Variants in ZNF264 observed in about 807,000 individuals in gnomAD.
The protein encoded by ZNF264 is zinc finger protein 264.
Under a neutral mutation model 11.2 loss-of-function variants are expected in ZNF264, and 11 were observed. The observed-to-expected ratio is 0.98, with a 90% CI of 0.62 to 1.63. The LOEUF (loss-of-function observed/expected upper bound fraction) is 1.63, where lower values mean the gene tolerates loss of function less well. Among genes scored for constraint, ZNF264 ranks in the 40% most tolerant of loss-of-function variants. The probability of loss-of-function intolerance (pLI) is 0.00; values close to 1 mark genes in which losing one functional copy is unlikely to be tolerated. For synonymous variants in ZNF264, 309 were observed against 279.8 expected, an observed-to-expected ratio of 1.10 and a Z score of -1.04; for missense variants, 752 against 768.1, an observed-to-expected ratio of 0.98 and a Z score of 0.25.
chr19:57,207,549 T>TC (rs1372644841), intron 3 of ZNF264, among the ~76,000 whole-genome samples: 1 of 144,060 alleles, frequency 6.9e-6, no homozygotes, highest in Non-Finnish European at 1.5e-5. Flanking sequence ...TCTTTTCTTT[T>TC]TTTTTTTTTT....
chr19:57,191,941 G>A lies in ZNF264; in HGVS notation c.28G>A (p.Ala10Thr), dbSNP rs751293245. The change falls in exon 1 of 4, where the codon GCC becomes ACC. Residue 10 changes from alanine (A) to threonine (T), a missense_variant. Physicochemically the swap from Ala to Thr is moderately conservative, Grantham distance 58 (BLOSUM62 0). Coordinates refer to ENST00000263095, the MANE Select transcript of ZNF264 (RefSeq NM_003417.5). ...GGCGGCAGCGGTGCTGACGGACCGG[G>A]CCCAGGTGAGTGGACGGTGGCTTCG... MAAAVLTDR[A>T]QVSVTFDDVA... 3 of 1,539,032 alleles carry A rather than the reference G, an allele frequency of 1.9e-6. No individual in the cohort carries two copies. Among genetic ancestry groups the A allele is most frequent in the South Asian group, 2.4e-5 (2 of 83,564 alleles).
intron 1 of ZNF264, chr19:57,192,559 G>T (rs1459517166): frequency 1.7e-5 from 17 of 985,284 alleles, no homozygotes; most frequent in Non-Finnish European, 2.0e-5. Context: ...TAAGGAAAGA[G>T]GCCGATGGTT....
rs1291711249 is a variant in ZNF264, at chr19:57,192,288, G to T, written c.33+342G>T. On this transcript the variant is annotated intron_variant, in intron 1 of 3. Coordinates refer to ENST00000263095, the MANE Select transcript of ZNF264 (RefSeq NM_003417.5). ...CAGTAGCAAGCCGACAAATGCGCGA[G>T]CAGAGACAAGGTATGTTGTATGTTT... 5.2e-6 allele frequency: 5 copies of T among 967,758 alleles called. No individual in the cohort carries two copies. The African/African-American group carries it at 7.0e-5, about 14-fold the overall frequency. 59.9% of individuals were successfully genotyped at this position (967,758 alleles called of 1,614,324 possible).
rs12986326 is a variant in ZNF264, at chr19:57,221,663, T to G, written c.*8682T>G. The stretch of plus-strand genomic sequence containing the variant: ...TGCTATATGTCCACTGGGAAGCTTA[T>G]TAGAGACTCAGTGCCAGGGTTTTTA... On this transcript the variant is annotated 3_prime_UTR_variant, in exon 4 of 4. Transcript: ENST00000263095. 6.6e-6 allele frequency: 1 copy of G among 152,190 alleles called. No homozygotes were observed. The highest frequency in any genetic ancestry group is 2.4e-5 in the African/African-American group (1 of 41,436). 9.4% of individuals were successfully genotyped at this position (152,190 alleles called of 1,614,324 possible).
Position 57,219,942 on chromosome 19 carries a change from A to G in ZNF264, c.*6961A>G, listed in dbSNP as rs934327998. On this transcript the variant is annotated 3_prime_UTR_variant, in exon 4 of 4. Transcript: ENST00000263095. ...CCATAATTATAATGAGAGCAGGTGA[A>G]TGTCATGTGGCTATGTATGAGACAT... is the stretch of plus-strand genomic sequence containing the variant. 1.3e-5 allele frequency: 2 copies of G among 152,260 alleles called. No homozygotes were observed. Among genetic ancestry groups the G allele is most frequent in the African/African-American group, 4.8e-5 (2 of 41,472 alleles). 9.4% of individuals were successfully genotyped at this position (152,260 alleles called of 1,614,324 possible). A position where few individuals can be genotyped will look rare whatever the true frequency, so the allele number is the denominator to read the frequency against.
In ZNF264 at chr19:57,212,976, CTG is replaced by C. The variant is rs2087353007; in HGVS notation, c.1882_1883del (p.Ter628ArgfsTer17). The C allele has an allele frequency of 1.9e-6, 3 of 1,603,640 alleles. No individual in the cohort carries two copies. The highest frequency in any genetic ancestry group is 2.6e-6 in the Non-Finnish European group (3 of 1,173,484). On this transcript the variant is annotated frameshift_variant, in exon 4 of 4. Coordinates refer to ENST00000263095, the MANE Select transcript of ZNF264 (RefSeq NM_003417.5). LOFTEE classifies it high-confidence loss of function. ...YQRETPQVSS[L>X] ...AAGAGAAACCCCACAAGTGTCTTCACTGTGAGAAAACCTTCTGTTGCTGAATA... is the reference window on the plus strand; with the variant it reads ...AAGAGAAACCCCACAAGTGTCTTCACTGAGAAAACCTTCTGTTGCTGAATA...
At chr19:57,205,323 G>A (rs1356442348) in intron 2 of ZNF264, 74 bp from the exon 3 acceptor site, 3 of 1,428,948 alleles carry the variant, frequency 2.1e-6, no homozygotes, top group African/African-American at 1.4e-5. Flanking sequence ...CCATCCTGAA[G>A]TCCCAAACTA....
chr19:57,192,736 C>CT (rs11423777), intron 1 of ZNF264, among the ~76,000 whole-genome samples: 81,436 of 151,380 alleles, frequency 0.54, 23,871 homozygotes, highest in African/African-American at 0.78. Flanking sequence ...TGTTCACATA[C>CT]TTTTTTTTGT....
chr19:57,209,770 A>C (rs1052611325), intron 3 of ZNF264, among the ~76,000 whole-genome samples: 3 of 152,040 alleles, frequency 2.0e-5, no homozygotes, highest in Non-Finnish European at 4.4e-5. Context: ...TGTTTTTAAA[A>C]AATTTTTTTT....
At chr19:57,208,752 A>G (rs186215715) in intron 3 of ZNF264, among the ~76,000 whole-genome samples, 117 of 152,298 alleles carry the variant, frequency 7.7e-4, no homozygotes, top group African/African-American at 2.1e-3. Flanking sequence ...CAAGTTTGCA[A>G]GATCATTCCC....
rs1389738955 is a variant in ZNF264 at position 57,191,604 on chromosome 19, G to A, written c.-310G>A. ...AGGACCGAGCAGGGGAGTAGGATAGGAATCCCCGCCGCACCTTTGTACGAG... is the reference window on the plus strand; with the variant it reads ...AGGACCGAGCAGGGGAGTAGGATAGAAATCCCCGCCGCACCTTTGTACGAG... On this transcript the variant is annotated 5_prime_UTR_variant, in exon 1 of 4. Coordinates refer to ENST00000263095, the MANE Select transcript of ZNF264 (RefSeq NM_003417.5). 1 of 345,392 alleles carries A rather than the reference G, an allele frequency of 2.9e-6. No homozygotes were observed. The highest frequency in any genetic ancestry group is 4.8e-5 in the Admixed American group (1 of 20,924). 21.4% of individuals were successfully genotyped at this position (345,392 alleles called of 1,614,324 possible). A position where few individuals can be genotyped will look rare whatever the true frequency, so the allele number is the denominator to read the frequency against.
Position 57,211,871 on chromosome 19 carries a change from C to T in ZNF264, c.774C>T (p.Pro258=), listed in dbSNP as rs761331057. ...QHHMIHTGER[P]YECMECGKAF... is the part of the protein sequence containing the mutation. ...ACATGATCCACACTGGGGAGAGGCC[C>T]TATGAGTGCATGGAGTGTGGAAAGG... is the stretch of plus-strand genomic sequence containing the variant. The change falls in exon 4 of 4, where the codon CCC becomes CCT. Residue 258 remains proline (P), a synonymous_variant. Transcript: ENST00000263095. 2 of 1,614,078 alleles carry T rather than the reference C, an allele frequency of 1.2e-6. No individual in the cohort carries two copies.
Position 57,212,072 on chromosome 19 carries a change from A to G in ZNF264, c.975A>G (p.Arg325=). The part of the protein sequence containing the change: ...FVCTECGQVF[R]HRPGFLRHYV... ...GCACAGAATGTGGCCAAGTCTTTCGACATAGGCCAGGCTTTCTCCGGCACT... is the reference window on the plus strand; with the variant it reads ...GCACAGAATGTGGCCAAGTCTTTCGGCATAGGCCAGGCTTTCTCCGGCACT... Residue 325 remains arginine (R), a synonymous_variant, in exon 4 of 4, where the codon CGA becomes CGG. Transcript: ENST00000263095. The G allele has an allele frequency of 1.2e-6, 2 of 1,613,950 alleles. No homozygotes were observed. The highest frequency in any genetic ancestry group is 1.7e-6 in the Non-Finnish European group (2 of 1,179,964).
chr19:57,208,244 G>A (rs557055870), intron 3 of ZNF264, among the ~76,000 whole-genome samples: 23 of 152,254 alleles, frequency 1.5e-4, no homozygotes, highest in Admixed American at 1.4e-3. Context: ...TTACTATGTG[G>A]GCATTTAATT....
At position 57,213,070 on chromosome 19, in the gene ZNF264, AT is replaced by A; in HGVS notation, c.*92del. 7.5e-7 allele frequency: 1 copy of A among 1,327,294 alleles called. No individual in the cohort carries two copies. Among genetic ancestry groups the A allele is most frequent in the Non-Finnish European group, 1.0e-6 (1 of 974,960 alleles). The allele number at this position is 1,327,294 out of a possible 1,614,324, so 82.2% of individuals were successfully genotyped here. A position where few individuals can be genotyped will look rare whatever the true frequency, so the allele number is the denominator to read the frequency against. ...CTAGAGCCTTATTCTCCATCTGATA[AT>A]TTATCCTGGAGAGAGACCCAGTGGT... On this transcript the variant is annotated 3_prime_UTR_variant, in exon 4 of 4. Coordinates refer to ENST00000263095, the MANE Select transcript of ZNF264 (RefSeq NM_003417.5).
rs778820818 is a variant in ZNF264 at position 57,211,906 on chromosome 19, G to A, written c.809G>A (p.Arg270His). 1.8e-5 allele frequency: 29 copies of A among 1,611,872 alleles called. No individual in the cohort carries two copies. Among genetic ancestry groups the A allele is most frequent in the South Asian group, 2.2e-5 (2 of 90,948 alleles). The change falls in exon 4 of 4, where the codon CGC (arginine) becomes CAC (histidine). Residue 270 changes from arginine (R) to histidine (H), a missense_variant. By Grantham distance (29) the Arg-to-His change is conservative. Coordinates refer to ENST00000263095, the MANE Select transcript of ZNF264 (RefSeq NM_003417.5). ...ECMECGKAFN[R>H]KSYLTQHQRI... The stretch of plus-strand genomic sequence containing the variant: ...ATGGAGTGTGGAAAGGCCTTCAACC[G>A]CAAGTCATACCTTACCCAGCACCAG...
intron 2 of ZNF264, chr19:57,194,832 T>C: frequency 2.5e-6 from 1 of 400,208 alleles, no homozygotes; most frequent in Non-Finnish European, 4.4e-6. Flanking sequence ...GTTGACACAT[T>C]AATAAAAATC....
In ZNF264 at chr19:57,221,343, C is replaced by T. The variant is rs1267220876; in HGVS notation, c.*8362C>T. The T allele has an allele frequency of 6.6e-6, 1 of 152,078 alleles. No homozygotes were observed. The highest frequency in any genetic ancestry group is 1.9e-4 in the East Asian group (1 of 5,172). The allele number at this position is 152,078 out of a possible 1,614,324, so 9.4% of individuals were successfully genotyped here. On this transcript the variant is annotated 3_prime_UTR_variant, in exon 4 of 4. Coordinates refer to ENST00000263095, the MANE Select transcript of ZNF264 (RefSeq NM_003417.5). ...GGATTACAGGCGTGAGCCACCGCAC[C>T]TGGCCTACCTGGGCTTTTTTGGACA... is the stretch of plus-strand genomic sequence containing the variant.
chr19:57,200,941 A>T (rs937744944), intron 2 of ZNF264, among the ~76,000 whole-genome samples: 1 of 151,886 alleles, frequency 6.6e-6, no homozygotes, highest in Non-Finnish European at 1.5e-5. Flanking sequence ...TTTTTTTTAT[A>T]CATTTGTTAT....
Sources: gnomAD v4.1 joint callset for allele counts (sites outside exome capture counted in the v4.1 genomes callset) on GRCh38, gnomAD v4.1.1 for gene constraint, MANE v1.5 for transcripts, NCBI Gene and HGNC (gene_info 2026-07-23, HGNC 2026-07-21) for gene names.